Variants in ADAMTSL1 observed in about 807,000 individuals in gnomAD.
ADAMTSL1 encodes ADAMTS-like protein 1.
In ADAMTSL1, 126 loss-of-function variants were observed where a neutral mutation model predicts 201.8. The ratio of observed to expected loss-of-function variants is 0.62; its 90% confidence interval spans 0.54 to 0.72. The LOEUF (loss-of-function observed/expected upper bound fraction) is 0.72. Ranked by LOEUF, ADAMTSL1 falls within the 30% of genes least tolerant of loss-of-function variation. The pLI is 0.00. For missense variants in ADAMTSL1, 2,679 were observed against 2,277.8 expected (o/e 1.18, Z -3.59); for synonymous variants, 1,121 against 903.4 (o/e 1.24, Z -4.32).
intron 23 of ADAMTSL1, among the ~76,000 whole-genome samples, chr9:18,852,319 C>G (rs576585386): frequency 2.0e-5 from 3 of 152,174 alleles, no homozygotes; most frequent in Admixed American, 6.5e-5. Context: ...ATAAATGAGG[C>G]AGTATATGTA....
chr9:18,060,225 G>T (rs1227716926), intron 1 of ADAMTSL1, among the ~76,000 whole-genome samples: 2 of 152,036 alleles, frequency 1.3e-5, no homozygotes, highest in Non-Finnish European at 2.9e-5. Context: ...ACTTTGTACT[G>T]GCTTTTACTT....
chr9:18,650,634 G>A (rs543014365), intron 7 of ADAMTSL1, among the ~76,000 whole-genome samples: 2 of 152,280 alleles, frequency 1.3e-5, no homozygotes, highest in African/African-American at 4.8e-5. Context: ...GTGACAGTGA[G>A]CAATTGTTAT....
intron 2 of ADAMTSL1, among the ~76,000 whole-genome samples, chr9:18,206,235 TTG>T (rs958375653): frequency 1.3e-4 from 20 of 152,036 alleles, no homozygotes; most frequent in African/African-American, 4.8e-4. Context: ...ATGTATTTTT[TTG>T]TGTGTGTGTC....
intron 16 of ADAMTSL1, among the ~76,000 whole-genome samples, chr9:18,758,559 C>T (rs1410453376): frequency 6.6e-6 from 1 of 152,170 alleles, no homozygotes; most frequent in East Asian, 1.9e-4. Context: ...CATATGCTTC[C>T]TTGGCTCATG....
At chr9:18,895,772 G>C (rs1337925251) in intron 26 of ADAMTSL1, among the ~76,000 whole-genome samples, 2 of 152,202 alleles carry the variant, frequency 1.3e-5, no homozygotes, top group African/African-American at 4.8e-5. Flanking sequence ...CCAGTCTACA[G>C]AGAGTAGGAG....
At chr9:17,997,431 A>C (rs1310696980) in intron 1 of ADAMTSL1, among the ~76,000 whole-genome samples, 1 of 152,096 alleles carries the variant, frequency 6.6e-6, no homozygotes, top group Non-Finnish European at 1.5e-5. Context: ...ATCATATTAG[A>C]AATGAGAACA....
intron 1 of ADAMTSL1, among the ~76,000 whole-genome samples, chr9:18,034,632 C>G (rs1369595797): frequency 6.6e-6 from 1 of 152,100 alleles, no homozygotes; most frequent in Non-Finnish European, 1.5e-5. Flanking sequence ...AGTTTTCTCT[C>G]CTTCTCTGTG....
At chr9:18,167,271 ATT>A (rs1827677484) in intron 2 of ADAMTSL1, among the ~76,000 whole-genome samples, 1 of 151,960 alleles carries the variant, frequency 6.6e-6, no homozygotes, top group Non-Finnish European at 1.5e-5. Context: ...TGTACACTTC[ATT>A]TGCCTGTAGC....
Position 18,358,387 on chromosome 9 carries a change from A to C in ADAMTSL1, c.208-146442A>C, listed in dbSNP as rs1466281981. ...TTTTTATAGAGATAAAATCCATATA[A>C]CATAAAACTCATTATTTTAAAGTAT... is the stretch of plus-strand genomic sequence containing the variant. On this transcript the variant is annotated intron_variant, in intron 2 of 29. Transcript: ENST00000680146. Among the ~76,000 whole-genome samples, 9 of 152,342 alleles carry C rather than the reference A, an allele frequency of 5.9e-5. No homozygotes were observed. The East Asian group carries it at 9.6e-4, about 16-fold the overall frequency.
At chr9:18,738,476 T>G (rs1002832745) in intron 15 of ADAMTSL1, among the ~76,000 whole-genome samples, 3 of 152,164 alleles carry the variant, frequency 2.0e-5, no homozygotes, top group Non-Finnish European at 4.4e-5. Flanking sequence ...TAATTTAGTA[T>G]AAAGGAATGA....
At chr9:18,356,993 C>G (rs1346249736) in intron 2 of ADAMTSL1, among the ~76,000 whole-genome samples, 1 of 152,110 alleles carries the variant, frequency 6.6e-6, no homozygotes, top group Non-Finnish European at 1.5e-5. Context: ...TACATGGAAT[C>G]CTTTGAATAC....
At chr9:18,305,533 G>A (rs758316723) in intron 2 of ADAMTSL1, among the ~76,000 whole-genome samples, 8 of 152,150 alleles carry the variant, frequency 5.3e-5, no homozygotes, top group Admixed American at 1.3e-4. Flanking sequence ...AGGGGCATCC[G>A]CCATTACTGA....
chr9:18,301,314 A>T (rs1244734772), intron 2 of ADAMTSL1, among the ~76,000 whole-genome samples: 2 of 152,234 alleles, frequency 1.3e-5, no homozygotes, highest in African/African-American at 4.8e-5. Flanking sequence ...TAAAATACTT[A>T]TCTCACATAA....
rs79447638 is a variant in ADAMTSL1 at position 18,578,343 on chromosome 9, T to C, written c.474+4077T>C. Among the ~76,000 whole-genome samples, 662 of 152,288 alleles carry C rather than the reference T, an allele frequency of 4.3e-3. 6 individuals carry two copies. The highest frequency in any genetic ancestry group is 0.021 in the South Asian group (102 of 4,826). ...TCTCCCTCCTAGATTCTGACAATCATCCCCAGTGGGTGATTGTGTTATCCC... is the reference window on the plus strand; with the variant it reads ...TCTCCCTCCTAGATTCTGACAATCACCCCCAGTGGGTGATTGTGTTATCCC... On this transcript the variant is annotated intron_variant, in intron 4 of 28. Coordinates refer to ENST00000380548, the MANE Select transcript of ADAMTSL1 (RefSeq NM_001040272.6).
intron 4 of ADAMTSL1, among the ~76,000 whole-genome samples, chr9:18,582,231 A>G (rs1210450429): frequency 6.6e-6 from 1 of 152,182 alleles, no homozygotes; most frequent in Non-Finnish European, 1.5e-5. Context: ...TGTTTCAAAT[A>G]ATCAAATGCT....
intron 1 of ADAMTSL1, among the ~76,000 whole-genome samples, chr9:18,030,698 A>G (rs1820914087): frequency 6.6e-6 from 1 of 152,070 alleles, no homozygotes; most frequent in Non-Finnish European, 1.5e-5. Context: ...TACTAGAGAG[A>G]ATTGACCTCT....
chr9:18,438,873 C>G (rs568089444), intron 2 of ADAMTSL1, among the ~76,000 whole-genome samples: 1 of 152,272 alleles, frequency 6.6e-6, no homozygotes, highest in South Asian at 2.1e-4. Flanking sequence ...TGTGCACGGT[C>G]CACTACACCC....
At chr9:18,723,592 C>T (rs1383125865) in intron 15 of ADAMTSL1, 2 of 154,430 alleles carry the variant, frequency 1.3e-5, no homozygotes, top group African/African-American at 4.8e-5. Context: ...GTCGCATTTG[C>T]TCCAGATAAA....
At chr9:18,728,609 G>T (rs535372307) in intron 15 of ADAMTSL1, among the ~76,000 whole-genome samples, 5 of 152,188 alleles carry the variant, frequency 3.3e-5, no homozygotes, top group African/African-American at 4.8e-5. Flanking sequence ...TTTATGAATA[G>T]GGCAAGCATG....
Sources: allele counts gnomAD v4.1 joint callset (sites outside exome capture counted in the v4.1 genomes callset), GRCh38; gene constraint gnomAD v4.1.1; transcripts MANE v1.5; gene names NCBI Gene and HGNC (gene_info 2026-07-23, HGNC 2026-07-21).